The following UTRN variants were observed in gnomAD, a reference collection of about 807,000 sequenced individuals.
UTRN encodes the protein dystrophin-related protein 1.
A neutral mutation model predicts 463.9 loss-of-function variants in UTRN; 283 were observed. That is an observed-to-expected ratio of 0.61 (90% confidence interval 0.55 to 0.67). UTRN has a LOEUF of 0.67. Ranked by LOEUF, UTRN falls within the 30% of genes least tolerant of loss-of-function variation. The probability of loss-of-function intolerance (pLI) is 0.00; values close to 1 mark genes in which losing one functional copy is unlikely to be tolerated. For missense variants in UTRN, 3,922 were observed against 4,084.3 expected, an observed-to-expected ratio of 0.96 and a Z score of 1.08; for synonymous variants, 1,442 against 1,431.5, an observed-to-expected ratio of 1.01 and a Z score of -0.17.
At chr6:144,847,732 G>T (rs887256460) in intron 74 of UTRN, among the ~76,000 whole-genome samples, 4 of 152,220 alleles carry the variant, frequency 2.6e-5, no homozygotes, top group African/African-American at 9.6e-5. Flanking sequence ...AAATTTCCTT[G>T]TGAGCAATTT....
chr6:144,581,048 G>C (rs942723891), intron 51 of UTRN, among the ~76,000 whole-genome samples: 112 of 152,318 alleles, frequency 7.4e-4, no homozygotes, highest in African/African-American at 2.6e-3. Flanking sequence ...GAGCAGGGTT[G>C]CAAGTTAGCG....
chr6:144,730,260 C>A (rs1788374814), intron 53 of UTRN, 97 bp from the exon 54 acceptor site: 25 of 1,281,156 alleles, frequency 2.0e-5, no homozygotes, highest in Non-Finnish European at 2.5e-5. Flanking sequence ...TAGTCATTTT[C>A]TTGCTAAGTG....
rs76387237 is a variant in UTRN, at chr6:144,499,471, A to G, written c.4764+44A>G. 2.1e-3 allele frequency: 3,235 copies of G among 1,524,172 alleles called. 64 individuals are homozygous for G. In the African/African-American group the frequency reaches 0.038, roughly 18 times the overall value. 94.4% of individuals were successfully genotyped at this position (1,524,172 alleles called of 1,614,324 possible). ...GAAACACCAGCATGATGCCAGCGTA[A>G]CATGGCATTTGTTCGGGCGACCTGG... On this transcript the variant is annotated intron_variant, in intron 34 of 74. Coordinates refer to ENST00000367545, the MANE Select transcript of UTRN (RefSeq NM_007124.3).
chr6:144,728,023 C>T (rs1168706328), intron 53 of UTRN, among the ~76,000 whole-genome samples: 1 of 150,202 alleles, frequency 6.7e-6, no homozygotes, highest in Non-Finnish European at 1.5e-5. Flanking sequence ...TCACTTGAAC[C>T]TGAGAGGCAG....
chr6:144,430,700 CATT>C (rs892112193), intron 9 of UTRN, among the ~76,000 whole-genome samples: 5 of 152,250 alleles, frequency 3.3e-5, no homozygotes, highest in African/African-American at 1.2e-4. Context: ...CAACAGCTAT[CATT>C]ATTATCATTT....
At chr6:144,795,447 G>A (rs551611004) in intron 63 of UTRN, among the ~76,000 whole-genome samples, 4 of 152,206 alleles carry the variant, frequency 2.6e-5, no homozygotes, top group East Asian at 3.9e-4. Flanking sequence ...GAATTGCCAC[G>A]CTGTCTTCCA....
chr6:144,363,640 G>A (rs1341197021), intron 2 of UTRN, among the ~76,000 whole-genome samples: 1 of 152,112 alleles, frequency 6.6e-6, no homozygotes, highest in African/African-American at 2.4e-5. Flanking sequence ...AAAAGGGAGA[G>A]ATCATATAGG....
intron 48 of UTRN, 57 bp from the exon 49 acceptor site, chr6:144,554,629 TTC>T: frequency 6.4e-7 from 1 of 1,563,908 alleles, no homozygotes; most frequent in African/African-American, 1.4e-5. Context: ...ATGATATTTT[TTC>T]TTTCTCCTGA....
At chr6:144,359,779 T>C (rs1230433288) in intron 2 of UTRN, among the ~76,000 whole-genome samples, 3 of 151,362 alleles carry the variant, frequency 2.0e-5, no homozygotes, top group African/African-American at 7.3e-5. Context: ...TTGAAATTCA[T>C]CCCTCAGTAG....
At chr6:144,318,117 C>T (rs891816730) in intron 2 of UTRN, among the ~76,000 whole-genome samples, 1 of 151,932 alleles carries the variant, frequency 6.6e-6, no homozygotes, top group Admixed American at 6.6e-5. Context: ...CTGTTAAGAG[C>T]CTGTACAATA....
At chr6:144,829,544 C>CT (rs948071423) in intron 69 of UTRN, among the ~76,000 whole-genome samples, 3 of 151,360 alleles carry the variant, frequency 2.0e-5, no homozygotes, top group Admixed American at 6.6e-5. Flanking sequence ...ACTTTTTATT[C>CT]TTTTTTTTGT....
chr6:144,799,603 C>A (rs1301723560), intron 64 of UTRN: 1 of 423,306 alleles, frequency 2.4e-6, no homozygotes, highest in East Asian at 7.3e-5. Context: ...GAAGATAATT[C>A]AAATGAGAGA....
chr6:144,670,707 G>C (rs956868669), intron 51 of UTRN, among the ~76,000 whole-genome samples: 7 of 152,086 alleles, frequency 4.6e-5, no homozygotes, highest in Admixed American at 4.6e-4. Flanking sequence ...TGAAGTCTTT[G>C]CCTAAGCCAA....
chr6:144,354,264 A>C (rs1778363941), intron 2 of UTRN, among the ~76,000 whole-genome samples: 1 of 152,204 alleles, frequency 6.6e-6, no homozygotes, highest in African/African-American at 2.4e-5. Context: ...GGAGATGAAA[A>C]AATAAAGGGC....
At chr6:144,325,497 A>C (rs945727370) in intron 2 of UTRN, among the ~76,000 whole-genome samples, 1 of 152,126 alleles carries the variant, frequency 6.6e-6, no homozygotes, top group African/African-American at 2.4e-5. Flanking sequence ...AGCCAAATAA[A>C]TTTCTGTTCA....
intron 33 of UTRN, among the ~76,000 whole-genome samples, chr6:144,495,641 C>A (rs543048359): frequency 6.6e-6 from 1 of 152,200 alleles, no homozygotes; most frequent in Non-Finnish European, 1.5e-5. Flanking sequence ...AAGTGGGAGC[C>A]CAGGCAGAGG....
At chr6:144,824,453 A>C (rs1779881886) in intron 66 of UTRN, among the ~76,000 whole-genome samples, 1 of 41,000 alleles carries the variant, frequency 2.4e-5, no homozygotes, top group Non-Finnish European at 3.5e-5. Flanking sequence ...ATACACATAT[A>C]CAATAAATAT....
intron 9 of UTRN, among the ~76,000 whole-genome samples, chr6:144,432,892 C>A (rs572543326): frequency 6.6e-6 from 1 of 152,040 alleles, no homozygotes; most frequent in Admixed American, 6.5e-5. Context: ...TGACTCTTAA[C>A]GAGCATGCTG....
At chr6:144,843,732 G>A (rs1361981124) in intron 73 of UTRN, among the ~76,000 whole-genome samples, 2 of 152,130 alleles carry the variant, frequency 1.3e-5, no homozygotes, top group African/African-American at 4.8e-5. Flanking sequence ...ATTCCTTAAT[G>A]TTTATTAAGC....
Sources: gnomAD v4.1 joint callset for allele counts (sites outside exome capture counted in the v4.1 genomes callset) on GRCh38, gnomAD v4.1.1 for gene constraint, MANE v1.5 for transcripts, NCBI Gene and HGNC (gene_info 2026-07-23, HGNC 2026-07-21) for gene names.